Variants in PLSCR2 observed in about 807,000 individuals in gnomAD.
The protein encoded by PLSCR2 is phospholipid scramblase 2, also known as PL scramblase 2.
A neutral mutation model predicts 25.3 loss-of-function variants in PLSCR2; 18 were observed. The ratio of observed to expected loss-of-function variants is 0.71; its 90% CI spans 0.49 to 1.06. PLSCR2 has a LOEUF of 1.06. PLSCR2 is among the 50% of genes least tolerant of loss of function. The pLI, the probability that PLSCR2 is intolerant of heterozygous loss-of-function variation, is 0.00. For missense variants in PLSCR2, 243 were observed against 269.5 expected (o/e 0.90, Z 0.69); for synonymous variants, 88 against 87.3 (o/e 1.01, Z -0.04).
intron 5 of PLSCR2, among the ~76,000 whole-genome samples, chr3:146,451,535 G>A (rs2222466): frequency 0.48 from 73,045 of 151,886 alleles, 18,602 homozygotes; most frequent in South Asian, 0.7. Flanking sequence ...TTGCTGGCAC[G>A]CAGCTTCAAA....
rs143031334 is a variant in PLSCR2, at chr3:146,412,223, T to G, written c.101-16302A>C. On this transcript the variant is annotated intron_variant and NMD_transcript_variant, in intron 2 of 3. Transcript: ENST00000463633. ...TGCTTGCACCTTTCTCAGGCTGCAG[T>G]TGCTTGTTAGAGACCCTACAGTAAT... is the stretch of plus-strand genomic sequence containing the variant. 3.7e-3 allele frequency among the ~76,000 whole-genome samples: 557 copies of G among 152,272 alleles called. 1 individual carries two copies. Among genetic ancestry groups the G allele is most frequent in the Admixed American group, 8.0e-3 (123 of 15,308 alleles).
intron 1 of PLSCR2, among the ~76,000 whole-genome samples, chr3:146,493,783 GTTTTTTTTTTT>G (rs34986699): frequency 1.5e-4 from 8 of 54,774 alleles, no homozygotes; most frequent in Non-Finnish European, 2.6e-4. Flanking sequence ...CCAAGGTGGC[GTTTTTTTTTTT>G]TTTTTTTTTT....
chr3:146,477,997 C>T (rs1324222049), intron 1 of PLSCR2, among the ~76,000 whole-genome samples: 1 of 152,200 alleles, frequency 6.6e-6, no homozygotes, highest in Non-Finnish European at 1.5e-5. Flanking sequence ...CAAACTCCAA[C>T]AGACCTGCAG....
chr3:146,396,085 T>A (rs2038263438), intron 2 of PLSCR2, among the ~76,000 whole-genome samples: 1 of 152,204 alleles, frequency 6.6e-6, no homozygotes, highest in Non-Finnish European at 1.5e-5. Flanking sequence ...TGGTAAAATT[T>A]ATAGGCAATT....
At chr3:146,489,891 G>A (rs919017018) in intron 1 of PLSCR2, among the ~76,000 whole-genome samples, 2 of 151,954 alleles carry the variant, frequency 1.3e-5, no homozygotes, top group Non-Finnish European at 2.9e-5. Context: ...GAACATGCTG[G>A]GAACTATTTT....
chr3:146,405,868 AT>A (rs1054083623), intron 2 of PLSCR2, among the ~76,000 whole-genome samples: 62 of 151,998 alleles, frequency 4.1e-4, no homozygotes, highest in African/African-American at 1.4e-3. Flanking sequence ...TAGAGTATAT[AT>A]TTTTTTATTA....
intron 1 of PLSCR2, among the ~76,000 whole-genome samples, chr3:146,493,143 T>C (rs2043611367): frequency 6.6e-6 from 1 of 151,494 alleles, no homozygotes; most frequent in South Asian, 2.1e-4. Context: ...AAAAACAAGA[T>C]CCAAAACTGA....
At chr3:146,411,313 G>C (rs1018902388) in intron 2 of PLSCR2, among the ~76,000 whole-genome samples, 1 of 152,176 alleles carries the variant, frequency 6.6e-6, no homozygotes, top group African/African-American at 2.4e-5. Flanking sequence ...GCGTCCTAGA[G>C]TAAGGGGCTG....
chr3:146,467,883 G>A (rs1053498350), intron 1 of PLSCR2, among the ~76,000 whole-genome samples: 1 of 152,074 alleles, frequency 6.6e-6, no homozygotes, highest in Non-Finnish European at 1.5e-5. Flanking sequence ...AGGAAACTGG[G>A]CTTATTCGGG....
intron 1 of PLSCR2, among the ~76,000 whole-genome samples, chr3:146,476,097 G>A (rs775766866): frequency 2.6e-5 from 4 of 151,808 alleles, no homozygotes; most frequent in Non-Finnish European, 5.9e-5. Context: ...GCCGGGGGGT[G>A]CACTGGGCCA....
At chr3:146,425,027 TC>T (rs1382296026) in intron 2 of PLSCR2, among the ~76,000 whole-genome samples, 1 of 36,284 alleles carries the variant, frequency 2.8e-5, no homozygotes, top group Non-Finnish European at 6.6e-5. Context: ...AAATCTTCTA[TC>T]CATGAAATTA....
chr3:146,430,755 AC>A (rs1339098911), downstream of PLSCR2, among the ~76,000 whole-genome samples: 3 of 114,454 alleles, frequency 2.6e-5, no homozygotes, highest in Non-Finnish European at 3.6e-5. Flanking sequence ...ACTTCCCCCC[AC>A]CCCCAAGTCT....
At chr3:146,396,498 A>T (rs2107981092) in intron 2 of PLSCR2, among the ~76,000 whole-genome samples, 1 of 152,288 alleles carries the variant, frequency 6.6e-6, no homozygotes, top group Non-Finnish European at 1.5e-5. Flanking sequence ...ATCATGTAGT[A>T]CAACTGGGAG....
upstream of PLSCR2, chr3:146,464,136 C>T (rs1257834066): frequency 5.2e-6 from 1 of 191,800 alleles, no homozygotes; most frequent in Non-Finnish European, 9.6e-6. Context: ...AATATTAAAA[C>T]TTACATTTTT....
At chr3:146,483,632 A>G (rs1255129064) in intron 1 of PLSCR2, among the ~76,000 whole-genome samples, 1 of 150,760 alleles carries the variant, frequency 6.6e-6, no homozygotes, top group Non-Finnish European at 1.5e-5. Flanking sequence ...TAAGTGAGGG[A>G]GGAACCCAGG....
chr3:146,436,149 A>G (rs937865274), intron 8 of PLSCR2, among the ~76,000 whole-genome samples: 2 of 152,194 alleles, frequency 1.3e-5, no homozygotes, highest in Admixed American at 1.3e-4. Flanking sequence ...TTTTGGTACC[A>G]GTACCATGCT....
chr3:146,469,453 C>T (rs2108487117), intron 1 of PLSCR2, 42 bp downstream of exon 1: 2 of 939,694 alleles, frequency 2.1e-6, no homozygotes, highest in South Asian at 4.9e-5. Context: ...CCAGGCACAC[C>T]CCAGTCCCAT....
At chr3:146,399,745 T>C (rs1180737971) in intron 2 of PLSCR2, among the ~76,000 whole-genome samples, 1 of 149,878 alleles carries the variant, frequency 6.7e-6, no homozygotes, top group African/African-American at 2.4e-5. Context: ...TTTTTTTTTC[T>C]TTCTTCCTTG....
chr3:146,423,282 T>TCTCTCTCTCTCTC (rs758576585), intron 2 of PLSCR2, among the ~76,000 whole-genome samples: 3 of 100,962 alleles, frequency 3.0e-5, no homozygotes, highest in Admixed American at 1.2e-4. Context: ...TCTCTCTCTC[T>TCTCTCTCTCTCTC]CCCTGGCTAG....
Sources: allele counts gnomAD v4.1 joint callset (sites outside exome capture counted in the v4.1 genomes callset), GRCh38; gene constraint gnomAD v4.1.1; transcripts MANE v1.5; gene names NCBI Gene and HGNC (gene_info 2026-07-23, HGNC 2026-07-21).